Variants in GBE1 observed in about 807,000 individuals in gnomAD.
GBE1 encodes 1,4-alpha-glucan-branching enzyme.
Under a neutral mutation model 88.8 loss-of-function variants are expected in GBE1, and 70 were observed. The ratio of observed to expected loss-of-function variants is 0.79; its 90% confidence interval spans 0.65 to 0.96. GBE1 has a LOEUF of 0.96. Ranked by LOEUF, GBE1 falls within the 40% of genes least tolerant of loss-of-function variation. The pLI is 0.00. For missense variants in GBE1, 872 were observed against 871.0 expected (o/e 1.00, Z -0.01); for synonymous variants, 284 against 300.1 (o/e 0.95, Z 0.56).
chr3:81,564,927 A>G (rs1200533955), intron 12 of GBE1, among the ~76,000 whole-genome samples: 5 of 152,106 alleles, frequency 3.3e-5, no homozygotes, highest in African/African-American at 1.2e-4. Flanking sequence ...AGAGCCTTAC[A>G]CTCAGCGATT....
At chr3:81,677,794 T>C in intron 2 of GBE1, among the ~76,000 whole-genome samples, 1 of 152,120 alleles carries the variant, frequency 6.6e-6, no homozygotes, top group East Asian at 1.9e-4. Context: ...GGAAGGACCT[T>C]AGTAAGACAC....
intron 7 of GBE1, among the ~76,000 whole-genome samples, chr3:81,621,899 C>A (rs1309454061): frequency 6.6e-6 from 1 of 152,102 alleles, no homozygotes; most frequent in Non-Finnish European, 1.5e-5. Flanking sequence ...TAAAAAGCAT[C>A]AACACCCAAT....
At chr3:81,593,483 A>G (rs1234117714) in intron 8 of GBE1, among the ~76,000 whole-genome samples, 1 of 151,352 alleles carries the variant, frequency 6.6e-6, no homozygotes, top group African/African-American at 2.4e-5. Context: ...TCTGATAAAT[A>G]TTTTTAATTT....
At chr3:81,589,208 C>T (rs889296057) in intron 9 of GBE1, among the ~76,000 whole-genome samples, 1 of 151,788 alleles carries the variant, frequency 6.6e-6, no homozygotes, top group Non-Finnish European at 1.5e-5. Flanking sequence ...GGGAAAGATA[C>T]ATCAATCAAA....
Position 81,664,206 on chromosome 3 carries a change from T to C in GBE1, c.429+6632A>G, listed in dbSNP as rs190458350. 2.7e-3 allele frequency among the ~76,000 whole-genome samples: 415 copies of C among 152,170 alleles called. 4 individuals carry two copies. The South Asian group carries it at 0.03, about 11-fold the overall frequency. On this transcript the variant is annotated intron_variant, in intron 3 of 15. Coordinates refer to ENST00000429644, the MANE Select transcript of GBE1 (RefSeq NM_000158.4). ...ACTAAGATGAGAAGCAGTACTCTTT[T>C]TATGAAAAATAAGAAGAACATAATT...
In GBE1 at chr3:81,499,146, C is replaced by G. The variant is rs571448518; in HGVS notation, c.2016G>C (p.Glu672Asp). 7 of 1,610,452 alleles carry G rather than the reference C, an allele frequency of 4.3e-6. No homozygotes were observed. Among genetic ancestry groups the G allele is most frequent in the Non-Finnish European group, 5.9e-6 (7 of 1,177,734 alleles). ...RLDHSTDFFS[E>D]AFEHNGRPYS... ...AGGGACGCCCATTATGTTCAAAAGC[C>G]TCAGAAAAAAAGTCAGTGCTGTGGT... is the stretch of plus-strand genomic sequence containing the variant. Residue 672 changes from glutamate (E) to aspartate (D), a missense_variant, in exon 15 of 16, where the codon GAG becomes GAC. Coordinates refer to ENST00000429644, the MANE Select transcript of GBE1 (RefSeq NM_000158.4).
At chr3:81,676,537 A>C (rs1705254548) in intron 2 of GBE1, among the ~76,000 whole-genome samples, 3 of 152,086 alleles carry the variant, frequency 2.0e-5, no homozygotes, top group Admixed American at 1.3e-4. Flanking sequence ...TTTAAAATAA[A>C]AATATAATGT....
chr3:81,637,240 T>G (rs540970181), intron 7 of GBE1, among the ~76,000 whole-genome samples: 1 of 152,156 alleles, frequency 6.6e-6, no homozygotes, highest in African/African-American at 2.4e-5. Context: ...GGTACCTATA[T>G]GATGAAGTGA....
chr3:81,751,572 G>T (rs543885551), intron 1 of GBE1, among the ~76,000 whole-genome samples: 1 of 152,346 alleles, frequency 6.6e-6, no homozygotes, highest in African/African-American at 2.4e-5. Flanking sequence ...TAGAAACATG[G>T]ATGTGGTGCC....
chr3:81,616,070 C>T (rs529331940), intron 7 of GBE1, among the ~76,000 whole-genome samples: 1 of 152,114 alleles, frequency 6.6e-6, no homozygotes, highest in South Asian at 2.1e-4. Context: ...GTTTTCTTGC[C>T]ATTTTATGAT....
rs1184771038 is a variant in GBE1 at position 81,589,562 on chromosome 3, CAA to C, written c.1236+1473_1236+1474del. 6.6e-5 allele frequency among the ~76,000 whole-genome samples: 10 copies of C among 151,294 alleles called. No homozygotes were observed. The South Asian group carries it at 1.9e-3, about 28-fold the overall frequency. On this transcript the variant is annotated intron_variant, in intron 9 of 15. Coordinates refer to ENST00000429644, the MANE Select transcript of GBE1 (RefSeq NM_000158.4). ...AGTAATATAAAGTAGGCTAAAGTCT[CAA>C]AGTTTCATTGGTAGAAACACTGATA...
At chr3:81,740,880 T>C (rs1706340647) in intron 1 of GBE1, among the ~76,000 whole-genome samples, 1 of 152,062 alleles carries the variant, frequency 6.6e-6, no homozygotes. Flanking sequence ...TCTCAGTAAC[T>C]GAACTGAGGT....
chr3:81,741,457 A>G (rs1706348148), intron 1 of GBE1, among the ~76,000 whole-genome samples: 1 of 152,158 alleles, frequency 6.6e-6, no homozygotes, highest in South Asian at 2.1e-4. Context: ...CCCAAATGTC[A>G]ACACAGATGG....
chr3:81,702,100 AGAGTGTGTGTGTGT>A (rs1265591781), intron 2 of GBE1, among the ~76,000 whole-genome samples: 1,281 of 76,296 alleles, frequency 0.017, 29 homozygotes, highest in African/African-American at 0.032. Flanking sequence ...AGAGAGAGAG[AGAGTGTGTGTGTGT>A]GTGTGTGTGT....
chr3:81,580,024 AC>A (rs1402891073), intron 11 of GBE1, among the ~76,000 whole-genome samples: 1 of 152,186 alleles, frequency 6.6e-6, no homozygotes, highest in African/African-American at 2.4e-5. Context: ...TGCTTTACTT[AC>A]ATTTTCTTAA....
At chr3:81,503,979 A>C (rs1702623057) in intron 14 of GBE1, among the ~76,000 whole-genome samples, 1 of 152,160 alleles carries the variant, frequency 6.6e-6, no homozygotes, top group South Asian at 2.1e-4. Context: ...GAAGGGGTCC[A>C]GGAATGTCAC....
In GBE1 at chr3:81,650,676, A is replaced by AT. The variant is rs922329167; in HGVS notation, c.430-756dup. ...GAAATGATAGCTTTTTATTTATTTT[A>AT]TTTTTTTGAGACAGGGACTCACTCT... On this transcript the variant is annotated intron_variant, in intron 3 of 15. Transcript: ENST00000429644. Among the ~76,000 whole-genome samples the AT allele has an allele frequency of 3.3e-5, 5 of 152,040 alleles. No homozygotes were observed. In the East Asian group the frequency reaches 5.8e-4, roughly 18 times the overall value.
chr3:81,594,947 C>G (rs1703936612), intron 7 of GBE1, among the ~76,000 whole-genome samples: 1 of 151,670 alleles, frequency 6.6e-6, no homozygotes, highest in Non-Finnish European at 1.5e-5. Context: ...ATCTTTACCC[C>G]AGTCGAAATT....
Position 81,499,184 on chromosome 3 carries a change from G to T in GBE1, c.1978C>A (p.His660Asn), listed in dbSNP as rs759264012. The change falls in exon 15 of 16, where the codon CAT (histidine) becomes AAT (asparagine). Residue 660 changes from histidine (H) to asparagine (N), a missense_variant. His to Asn is a moderately conservative substitution (Grantham distance 68). Transcript: ENST00000429644. ...TCAGTGCTGTGGTCCAGTCTCTGATGCCCTCCATATTCCGCTGCATCTGAA... is the reference window on the plus strand; with the variant it reads ...TCAGTGCTGTGGTCCAGTCTCTGATTCCCTCCATATTCCGCTGCATCTGAA... ...LDSDAAEYGGHQRLDHSTDFF... is the reference protein window; with the variant it reads ...LDSDAAEYGGNQRLDHSTDFF... The T allele has an allele frequency of 1.2e-6, 2 of 1,611,524 alleles. No individual in the cohort carries two copies. Among genetic ancestry groups the T allele is most frequent in the Admixed American group, 3.3e-5 (2 of 59,756 alleles).
Sources: gnomAD v4.1 joint callset for allele counts (sites outside exome capture counted in the v4.1 genomes callset) on GRCh38, gnomAD v4.1.1 for gene constraint, MANE v1.5 for transcripts, NCBI Gene and HGNC (gene_info 2026-07-23, HGNC 2026-07-21) for gene names.